Variants in SLC28A1 observed in about 807,000 individuals in gnomAD.
The protein encoded by SLC28A1 is sodium/nucleoside cotransporter 1.
A neutral mutation model predicts 74.8 loss-of-function variants in SLC28A1; 64 were observed. The observed-to-expected ratio is 0.86, with a 90% confidence interval of 0.70 to 1.05. SLC28A1 has a LOEUF of 1.05. SLC28A1 is among the 50% of genes least tolerant of loss of function. The pLI is 0.00. For missense variants in SLC28A1, 828 were observed against 822.8 expected (o/e 1.01, Z -0.08); for synonymous variants, 359 against 335.0 (o/e 1.07, Z -0.78).
At chr15:84,928,594 CTTT>C (rs1970858812) in intron 12 of SLC28A1, among the ~76,000 whole-genome samples, 3 of 16,564 alleles carry the variant, frequency 1.8e-4, no homozygotes, top group African/African-American at 9.8e-4. Flanking sequence ...TTCTTTCTTT[CTTT>C]CTTTCTTTTC....
intron 9 of SLC28A1, among the ~76,000 whole-genome samples, chr15:84,914,725 G>A (rs563854575): frequency 2.0e-5 from 3 of 152,212 alleles, no homozygotes; most frequent in East Asian, 1.9e-4. Flanking sequence ...GCACTGCCTC[G>A]AGCTGCTGCC....
intron 9 of SLC28A1, among the ~76,000 whole-genome samples, chr15:84,912,678 G>T (rs1439104612): frequency 2.0e-5 from 3 of 152,102 alleles, no homozygotes; most frequent in Non-Finnish European, 4.4e-5. Context: ...GCTTAGCAGT[G>T]CTGCTCAGAT....
At chr15:84,903,325 C>A (rs1052660406) in intron 6 of SLC28A1, among the ~76,000 whole-genome samples, 3 of 152,216 alleles carry the variant, frequency 2.0e-5, no homozygotes, top group African/African-American at 7.2e-5. Context: ...AGATGAGTGG[C>A]CTTGGGCCAG....
At position 84,887,570 on chromosome 15, in the gene SLC28A1, C is replaced by T. The variant is rs1964735233; in HGVS notation, c.-16-175C>T. The T allele has an allele frequency of 3.0e-6, 3 of 985,270 alleles. No individual in the cohort carries two copies. In the South Asian group the frequency reaches 1.4e-4, roughly 46 times the overall value. The allele number at this position is 985,270 out of a possible 1,614,324, so 61.0% of individuals were successfully genotyped here. A position where few individuals can be genotyped will look rare whatever the true frequency, so the allele number is the denominator to read the frequency against. On this transcript the variant is annotated intron_variant, in intron 2 of 18. Coordinates refer to ENST00000394573, the MANE Select transcript of SLC28A1 (RefSeq NM_004213.5). ...TGTGCTGAGAAGTCAAGGTTGCAGT[C>T]CCAGTCACAAGGAGGGGTGAGCTCT...
At chr15:84,913,418 G>A (rs1317934466) in intron 9 of SLC28A1, among the ~76,000 whole-genome samples, 1 of 152,322 alleles carries the variant, frequency 6.6e-6, no homozygotes, top group Non-Finnish European at 1.5e-5. Context: ...GGCCTTCAAA[G>A]CCTGTTTCTT....
At chr15:84,944,220 A>G (rs1156304663) in intron 16 of SLC28A1, among the ~76,000 whole-genome samples, 3 of 152,240 alleles carry the variant, frequency 2.0e-5, no homozygotes, top group South Asian at 4.1e-4. Flanking sequence ...CCCATTTTAC[A>G]AAGAAGGAAA....
Position 84,887,752 on chromosome 15 carries a change from G to A in SLC28A1, c.-9G>A, listed in dbSNP as rs775687542. 2 of 1,613,742 alleles carry A rather than the reference G, an allele frequency of 1.2e-6. No homozygotes were observed. The highest frequency in any genetic ancestry group is 2.2e-5 in the South Asian group (2 of 91,078). On this transcript the variant is annotated 5_prime_UTR_variant, in exon 3 of 19. Transcript: ENST00000394573. Reference sequence around the variant, plus strand: ...CCCTGATTTGTCTTTCAGCTGGAAGGTCTGGGACATGGAGAACGACCCCTC... The same window carrying A: ...CCCTGATTTGTCTTTCAGCTGGAAGATCTGGGACATGGAGAACGACCCCTC...
intron 12 of SLC28A1, among the ~76,000 whole-genome samples, chr15:84,932,622 A>G (rs1015851218): frequency 1.3e-5 from 2 of 152,246 alleles, no homozygotes; most frequent in South Asian, 2.1e-4. Context: ...CTACGCTAGT[A>G]CATACCTACA....
intron 12 of SLC28A1, among the ~76,000 whole-genome samples, chr15:84,931,560 G>A (rs1378969168): frequency 1.4e-5 from 2 of 141,540 alleles, no homozygotes; most frequent in Non-Finnish European, 3.0e-5. Flanking sequence ...GCTGAGGCAG[G>A]AGAATGGTGT....
chr15:84,935,404 G>A lies in SLC28A1; in HGVS notation c.1467G>A (p.Leu489=). ...ACTGCCCAGTGGTAGCTGAGCTGCT[G>A]GGGATCAAGCTGTTTCTGAACGAGT... ...WEDCPVVAEL[L]GIKLFLNEFV... is the part of the protein sequence containing the mutation. Residue 489 remains leucine, a synonymous_variant, in exon 15 of 19, where the codon CTG becomes CTA. Coordinates refer to ENST00000394573, the MANE Select transcript of SLC28A1 (RefSeq NM_004213.5). 2 of 1,614,192 alleles carry A rather than the reference G, an allele frequency of 1.2e-6. No homozygotes were observed. Among genetic ancestry groups the A allele is most frequent in the Non-Finnish European group, 1.7e-6 (2 of 1,180,024 alleles).
chr15:84,918,612 C>T lies in SLC28A1; in HGVS notation c.876+8C>T. The T allele has an allele frequency of 6.2e-7, 1 of 1,602,872 alleles. No individual in the cohort carries two copies. Among genetic ancestry groups the T allele is most frequent in the African/African-American group, 1.3e-5 (1 of 74,842 alleles). ...CAGTGGGTGATCCTGAAGGTAAGTTCCCAGTGCCCATGGCCAGGGCTCTCC... is the reference window on the plus strand; with the variant it reads ...CAGTGGGTGATCCTGAAGGTAAGTTTCCAGTGCCCATGGCCAGGGCTCTCC... On this transcript the variant is annotated splice_region_variant and intron_variant, in intron 10 of 18. Transcript: ENST00000394573.
intron 15 of SLC28A1, among the ~76,000 whole-genome samples, chr15:84,942,194 A>G (rs1972796312): frequency 6.6e-6 from 1 of 152,142 alleles, no homozygotes; most frequent in South Asian, 2.1e-4. Flanking sequence ...GGTACATGAG[A>G]TGCTTTGATA....
chr15:84,926,221 C>T (rs1460841435), intron 12 of SLC28A1, among the ~76,000 whole-genome samples: 3 of 151,702 alleles, frequency 2.0e-5, no homozygotes, highest in African/African-American at 7.3e-5. Context: ...TAGAGAGAGA[C>T]AGAGTTTCCC....
chr15:84,935,197 G>A lies in SLC28A1; in HGVS notation c.1383+3G>A, dbSNP rs781141609. ...ACATCCAAGGGCTCAGCTTCCAGGTGCGTTTCTGGCCACCACACTCAGTCT... is the reference window on the plus strand; with the variant it reads ...ACATCCAAGGGCTCAGCTTCCAGGTACGTTTCTGGCCACCACACTCAGTCT... On this transcript the variant is annotated splice_donor_region_variant and intron_variant, in intron 14 of 18. Transcript: ENST00000394573. 1.9e-6 allele frequency: 3 copies of A among 1,613,856 alleles called. No homozygotes were observed. The highest frequency in any genetic ancestry group is 3.3e-5 in the Admixed American group (2 of 59,994).
chr15:84,887,738 C>T lies in SLC28A1; in HGVS notation c.-16-7C>T, dbSNP rs3743162. On this transcript the variant is annotated splice_region_variant and splice_polypyrimidine_tract_variant and intron_variant, in intron 2 of 18. Coordinates refer to ENST00000394573, the MANE Select transcript of SLC28A1 (RefSeq NM_004213.5). ...CAGCGTTGGGCGCTCCCTGATTTGT[C>T]TTTCAGCTGGAAGGTCTGGGACATG... The T allele has an allele frequency of 0.2, 330,229 of 1,611,914 alleles. 35,921 individuals carry two copies. Among genetic ancestry groups the T allele is most frequent in the Middle Eastern group, 0.24 (1,463 of 6,062 alleles).
chr15:84,969,695 C>T, the SLC28A1 span, among the ~76,000 whole-genome samples: 2 of 152,080 alleles, frequency 1.3e-5, no homozygotes, highest in African/African-American at 2.4e-5. Flanking sequence ...AAGCTGTAGG[C>T]GGGTGAGACA....
Position 84,888,832 on chromosome 15 carries a change from G to C in SLC28A1, c.157G>C (p.Glu53Gln). Residue 53 changes from glutamate to glutamine, a missense_variant, in exon 4 of 19, where the codon GAG becomes CAG. By Grantham distance (29) the Glu-to-Gln change is conservative. Around this residue, in one of 3 missense-constraint regions of SLC28A1, gnomAD observed 767 missense variants for 753.5 expected, o/e 1.02. Coordinates refer to ENST00000394573, the MANE Select transcript of SLC28A1 (RefSeq NM_004213.5). ...SPAEIRSSWSEAAPKPFSRWR... is the reference protein window; with the variant it reads ...SPAEIRSSWSQAAPKPFSRWR... ...CGCAGAGATCAGGAGCAGCTGGAGC[G>C]AGGCGGCGCCGAAGCCCTTCTCCAG... 1 of 1,553,848 alleles carries C rather than the reference G, an allele frequency of 6.4e-7. No individual in the cohort carries two copies. The highest frequency in any genetic ancestry group is 1.2e-5 in the South Asian group (1 of 84,152).
chr15:84,888,734 AG>A, intron 3 of SLC28A1, 37 bp from the exon 4 acceptor site: 1 of 1,470,284 alleles, frequency 6.8e-7, no homozygotes. Flanking sequence ...GGGGTGGGTA[AG>A]GGGCAGGCCG....
chr15:84,909,745 C>T (rs1012859873), intron 9 of SLC28A1, among the ~76,000 whole-genome samples: 22 of 152,220 alleles, frequency 1.4e-4, no homozygotes, highest in African/African-American at 5.3e-4. Context: ...CAGTAGTTGG[C>T]CCCAGTTTTC....
Sources: allele counts gnomAD v4.1 joint callset (sites outside exome capture counted in the v4.1 genomes callset), GRCh38; gene constraint gnomAD v4.1.1; regional missense constraint gnomAD v4.1.1; transcripts MANE v1.5; gene names NCBI Gene and HGNC (gene_info 2026-07-23, HGNC 2026-07-21).